The following AGAP1 variants were observed in gnomAD, a reference collection of about 807,000 sequenced individuals.
AGAP1 encodes ArfGAP with GTPase domain, ankyrin repeat and PH domain 1.
In AGAP1, 29 loss-of-function variants were observed where a neutral mutation model predicts 105.3. The ratio of observed to expected loss-of-function variants is 0.28; its 90% CI spans 0.21 to 0.38. AGAP1 has a LOEUF of 0.38. Ranked by LOEUF, AGAP1 falls within the 10% of genes least tolerant of loss-of-function variation. AGAP1 has a pLI of 1.00. For synonymous variants in AGAP1, 509 were observed against 485.9 expected (o/e 1.05, Z -0.63); for missense variants, 998 against 1,165.1 (o/e 0.86, Z 2.09).
chr2:235,929,381 T>G (rs1425626564), intron 11 of AGAP1, among the ~76,000 whole-genome samples: 2 of 152,180 alleles, frequency 1.3e-5, no homozygotes, highest in Non-Finnish European at 2.9e-5. Flanking sequence ...TTTCCGATCC[T>G]TCCTTCCCTG....
At chr2:235,588,032 C>T (rs966305537) in intron 1 of AGAP1, among the ~76,000 whole-genome samples, 1 of 152,090 alleles carries the variant, frequency 6.6e-6, no homozygotes, top group African/African-American at 2.4e-5. Flanking sequence ...GAGTTTGAGA[C>T]CAGCCTTACC....
chr2:235,510,740 C>A (rs960718205), intron 1 of AGAP1, among the ~76,000 whole-genome samples: 9 of 152,082 alleles, frequency 5.9e-5, no homozygotes. Flanking sequence ...TAAGAAAGAG[C>A]ATTTGCCCTC....
Position 235,766,439 on chromosome 2 carries a change from T to G in AGAP1, c.673+15951T>G, listed in dbSNP as rs891803620. ...TAAGGATTATTCTCCTGCGCAAATG[T>G]TTTCCTTTTGCTGTCACCATGGAGA... On this transcript the variant is annotated intron_variant, in intron 6 of 17. Transcript: ENST00000304032. Among the ~76,000 whole-genome samples the G allele has an allele frequency of 3.3e-5, 5 of 152,152 alleles. No homozygotes were observed. In the South Asian group the frequency reaches 1.0e-3, roughly 32 times the overall value.
rs535972168 is a variant in AGAP1, at chr2:235,686,652, TATATATATATATA to T, written c.164-22526_164-22514del. Among the ~76,000 whole-genome samples, 26 of 56,192 alleles carry T rather than the reference TATATATATATATA, an allele frequency of 4.6e-4. 1 individual carries two copies. The highest frequency in any genetic ancestry group is 2.5e-3 in the African/African-American group (23 of 9,202). 36.9% of individuals were successfully genotyped at this position (56,192 alleles called of 152,430 possible). ...ATATATATATATATATATAGATATATATATATATATATATTTTTTTTTTTTTTTAGACAGAGTC... is the reference window on the plus strand; with the variant it reads ...ATATATATATATATATATAGATATATTTTTTTTTTTTTTTTAGACAGAGTC... On this transcript the variant is annotated intron_variant, in intron 1 of 17. Coordinates refer to ENST00000304032, the MANE Select transcript of AGAP1 (RefSeq NM_001037131.3).
intron 6 of AGAP1, among the ~76,000 whole-genome samples, chr2:235,784,870 G>A (rs1956523501): frequency 1.3e-5 from 2 of 152,146 alleles, no homozygotes; most frequent in South Asian, 4.1e-4. Flanking sequence ...TGCTGGTTAA[G>A]TAATAATAAT....
chr2:235,603,285 C>G (rs144347944), intron 1 of AGAP1, among the ~76,000 whole-genome samples: 23 of 152,154 alleles, frequency 1.5e-4, no homozygotes, highest in Non-Finnish European at 7.3e-5. Context: ...GAGGCCTCCC[C>G]AGCCACTTGG....
rs529088768 is a variant in AGAP1, at chr2:235,503,295, C to A, written c.163+8446C>A. Among the ~76,000 whole-genome samples the A allele has an allele frequency of 3.3e-5, 5 of 152,294 alleles. No homozygotes were observed. The South Asian group carries it at 8.3e-4, about 25-fold the overall frequency. On this transcript the variant is annotated intron_variant, in intron 1 of 17. Coordinates refer to ENST00000304032, the MANE Select transcript of AGAP1 (RefSeq NM_001037131.3). ...AATCCAGCATATTTTCCAGGGAGGG[C>A]GTTTCCGGAAGCCTGTCTGCACCCC...
intron 16 of AGAP1, among the ~76,000 whole-genome samples, chr2:236,070,093 C>T (rs978438761): frequency 6.6e-6 from 1 of 152,258 alleles, no homozygotes; most frequent in Non-Finnish European, 1.5e-5. Flanking sequence ...TGAGAGCATT[C>T]GTGTTAGGAG....
intron 6 of AGAP1, among the ~76,000 whole-genome samples, chr2:235,768,193 C>T (rs923977334): frequency 6.6e-6 from 1 of 152,086 alleles, no homozygotes; most frequent in African/African-American, 2.4e-5. Flanking sequence ...TTGTTTTCAC[C>T]CTTTATTTTC....
chr2:235,774,617 A>C (rs941739497), intron 6 of AGAP1: 4 of 278,082 alleles, frequency 1.4e-5, no homozygotes, highest in African/African-American at 9.1e-5. Context: ...GCCTAAATGC[A>C]GTGATTAAAA....
Position 236,073,077 on chromosome 2 carries a change from C to T in AGAP1, c.2114+23796C>T, listed in dbSNP as rs930843807. Among the ~76,000 whole-genome samples the T allele has an allele frequency of 6.6e-5, 10 of 151,932 alleles. No homozygotes were observed. The highest frequency in any genetic ancestry group is 1.7e-4 in the African/African-American group (7 of 41,350). On this transcript the variant is annotated intron_variant, in intron 16 of 17. Transcript: ENST00000304032. The surrounding 1 kb of genome is among the most constrained non-coding windows in gnomAD (Gnocchi z 5.4). ...GTGGTGCAATCTCAGCTCACTGCAA[C>T]TTCCGCCTCCCAGATTCGAGCGATT...
In AGAP1 at chr2:235,551,043, G is replaced by A. The variant is rs992908959; in HGVS notation, c.163+56194G>A. 2.0e-5 allele frequency among the ~76,000 whole-genome samples: 3 copies of A among 152,134 alleles called. No individual in the cohort carries two copies. The highest frequency in any genetic ancestry group is 1.3e-4 in the Admixed American group (2 of 15,280). ...CCCACCTCGGCCTCTGAAAGTGCTG[G>A]GATTACAGGCGTGAGCCACCGCGCT... On this transcript the variant is annotated intron_variant, in intron 1 of 17. Transcript: ENST00000304032. The surrounding 1 kb of genome is among the most constrained non-coding windows in gnomAD (Gnocchi z 4.8).
intron 1 of AGAP1, among the ~76,000 whole-genome samples, chr2:235,547,075 C>T (rs778314846): frequency 1.7e-4 from 26 of 152,072 alleles, no homozygotes; most frequent in Non-Finnish European, 2.8e-4. Flanking sequence ...GAAAAATTCC[C>T]CATGCTTTTA....
intron 10 of AGAP1, among the ~76,000 whole-genome samples, chr2:235,898,039 C>T (rs1488136540): frequency 1.3e-5 from 2 of 152,190 alleles, no homozygotes; most frequent in African/African-American, 2.4e-5. Context: ...GCTGGGAGGG[C>T]CACCTCTGCC....
intron 9 of AGAP1, among the ~76,000 whole-genome samples, chr2:235,841,200 A>G (rs1437576941): frequency 1.3e-5 from 2 of 152,114 alleles, no homozygotes; most frequent in Non-Finnish European, 2.9e-5. Flanking sequence ...CTGTGATGCT[A>G]AAGGGAGGAA....
intron 9 of AGAP1, among the ~76,000 whole-genome samples, chr2:235,860,930 T>C (rs957178950): frequency 6.6e-6 from 1 of 152,206 alleles, no homozygotes; most frequent in Non-Finnish European, 1.5e-5. Flanking sequence ...TCTCTCCCTG[T>C]GTACGGCCGT....
chr2:235,892,139 G>A (rs1340057981), intron 10 of AGAP1, among the ~76,000 whole-genome samples: 1 of 150,444 alleles, frequency 6.6e-6, no homozygotes, highest in Non-Finnish European at 1.5e-5. Flanking sequence ...CGGCAACAGT[G>A]AGACTCCCAT....
rs949434243 is a variant in AGAP1, at chr2:235,754,274, G to A, written c.673+3786G>A. ...CAGCCAGCAGGGCCCCTGCCTGCTC[G>A]CCGACTCAGTTTATTCACATTTCTT... is the stretch of plus-strand genomic sequence containing the variant. On this transcript the variant is annotated intron_variant, in intron 6 of 17. Coordinates refer to ENST00000304032, the MANE Select transcript of AGAP1 (RefSeq NM_001037131.3). The surrounding 1 kb of genome is among the most constrained non-coding windows in gnomAD (Gnocchi z 4.6). 4.6e-5 allele frequency among the ~76,000 whole-genome samples: 7 copies of A among 152,276 alleles called. No homozygotes were observed. Among genetic ancestry groups the A allele is most frequent in the African/African-American group, 1.4e-4 (6 of 41,552 alleles).
Position 235,793,456 on chromosome 2 carries a change from A to G in AGAP1, c.674-4303A>G, listed in dbSNP as rs1259070148. Reference sequence around the variant, plus strand: ...AACACATGATTCGTGCTGTGGAACCAGGACAGTCTGTTGGGGTGCTGGCAG... The same window carrying G: ...AACACATGATTCGTGCTGTGGAACCGGGACAGTCTGTTGGGGTGCTGGCAG... On this transcript the variant is annotated intron_variant, in intron 6 of 17. Transcript: ENST00000304032. This position sits in a 1 kb window ranked among gnomAD's most constrained non-coding sequence, Gnocchi z 5.3. Among the ~76,000 whole-genome samples, 2 of 152,242 alleles carry G rather than the reference A, an allele frequency of 1.3e-5. No homozygotes were observed. The highest frequency in any genetic ancestry group is 2.4e-5 in the African/African-American group (1 of 41,466).
Sources: gnomAD v4.1 joint callset for allele counts (sites outside exome capture counted in the v4.1 genomes callset) on GRCh38, gnomAD v4.1.1 for gene constraint, Gnocchi (gnomAD v3.1) non-coding constraint, MANE v1.5 for transcripts, NCBI Gene and HGNC (gene_info 2026-07-23, HGNC 2026-07-21) for gene names.